SASH1: variants seen among roughly 807,000 people sequenced by gnomAD.
The protein encoded by SASH1 is SAM and SH3 domain-containing protein 1.
SASH1 carries 44 observed loss-of-function variants against 125.2 expected under a neutral mutation model. That is an observed-to-expected ratio of 0.35 (90% confidence interval 0.28 to 0.45). The LOEUF (loss-of-function observed/expected upper bound fraction) is 0.45, where lower values mean the gene tolerates loss of function less well. SASH1 is among the 20% of genes least tolerant of loss of function. The pLI, the probability that SASH1 is intolerant of heterozygous loss-of-function variation, is 1.00. For missense variants in SASH1, 1,426 were observed against 1,614.5 expected (o/e 0.88, Z 2.00); for synonymous variants, 639 against 649.1 (o/e 0.98, Z 0.24).
At chr6:148,518,871 G>A (rs1327518523) in intron 9 of SASH1, among the ~76,000 whole-genome samples, 1 of 152,174 alleles carries the variant, frequency 6.6e-6, no homozygotes, top group East Asian at 1.9e-4. Context: ...GGAGCTGCCT[G>A]CGTGTCAGGG....
Position 148,319,605 on chromosome 6 carries a change from T to C in SASH1, n.74+47228T>C, listed in dbSNP as rs1170071173. On this transcript the variant is annotated intron_variant and non_coding_transcript_variant, in intron 1 of 3. Coordinates refer to the SASH1 transcript ENST00000367469. Reference sequence around the variant, plus strand: ...GATCTCGGCTCACCACAACCTCCCCTCCCGGGTTCAAGCAATTCCCAGCCT... The same window carrying C: ...GATCTCGGCTCACCACAACCTCCCCCCCCGGGTTCAAGCAATTCCCAGCCT... Among the ~76,000 whole-genome samples, 4 of 151,822 alleles carry C rather than the reference T, an allele frequency of 2.6e-5. No individual in the cohort carries two copies. The East Asian group carries it at 7.8e-4, about 29-fold the overall frequency.
chr6:148,297,723 A>G (rs907693528), intron 1 of SASH1, among the ~76,000 whole-genome samples: 3 of 150,608 alleles, frequency 2.0e-5, no homozygotes, highest in Non-Finnish European at 4.4e-5. Flanking sequence ...TCAGCTACTC[A>G]GGAGGCTGAG....
rs145662167 is a variant in SASH1, at chr6:148,390,230, C to T, written c.253C>T (p.Arg85Trp). ...CGTGTGCGAGAGGATGGAGGAGCTG[C>T]GGAAACGGCGGGTTTCCCAGGACCT... ...SDVCERMEEL[R>W]KRRVSQDLEV... The change falls in exon 2 of 20, where the codon CGG becomes TGG. Residue 85 changes from arginine to tryptophan, a missense_variant. Physicochemically the swap from Arg to Trp is moderately radical, Grantham distance 101. Transcript: ENST00000367467. 5.0e-5 allele frequency: 81 copies of T among 1,612,256 alleles called. No homozygotes were observed. In the East Asian group the frequency reaches 1.3e-3, roughly 27 times the overall value.
At chr6:148,467,214 A>C (rs1237336643) in intron 4 of SASH1, among the ~76,000 whole-genome samples, 1 of 147,196 alleles carries the variant, frequency 6.8e-6, no homozygotes, top group Non-Finnish European at 1.5e-5. Context: ...CTCCTGCCTC[A>C]GCCTCCCGAG....
chr6:148,265,251 A>G, the SASH1 span, among the ~76,000 whole-genome samples: 1 of 147,956 alleles, frequency 6.8e-6, no homozygotes, highest in Non-Finnish European at 1.5e-5. Flanking sequence ...TCAAGGCTAC[A>G]GTGAGCTAAG....
intron 4 of SASH1, among the ~76,000 whole-genome samples, chr6:148,465,991 A>G (rs1317490425): frequency 6.6e-6 from 1 of 151,904 alleles, no homozygotes; most frequent in Non-Finnish European, 1.5e-5. Flanking sequence ...TCATCCATGT[A>G]CCTTACTTGT....
intron 2 of SASH1, among the ~76,000 whole-genome samples, chr6:148,427,212 G>A (rs1370614702): frequency 6.6e-6 from 1 of 151,954 alleles, no homozygotes; most frequent in African/African-American, 2.4e-5. Flanking sequence ...GAGGATTCTG[G>A]GGATAGCCAC....
rs944941088 is a variant in SASH1, at chr6:148,325,227, G to A, written n.74+52850G>A. On this transcript the variant is annotated intron_variant and non_coding_transcript_variant, in intron 1 of 3. Coordinates refer to the SASH1 transcript ENST00000367469. Reference sequence around the variant, plus strand: ...TCGTTGTTCACATGATACCAGGAATGAGAAGTGCAGAGTGAAATAGGGGAA... The same window carrying A: ...TCGTTGTTCACATGATACCAGGAATAAGAAGTGCAGAGTGAAATAGGGGAA... Among the ~76,000 whole-genome samples the A allele has an allele frequency of 5.1e-4, 77 of 150,466 alleles. 2 individuals carry two copies. Among genetic ancestry groups the A allele is most frequent in the Non-Finnish European group, 8.9e-5 (6 of 67,732 alleles).
chr6:148,232,411 CCTT>C, the SASH1 span, among the ~76,000 whole-genome samples: 1 of 152,174 alleles, frequency 6.6e-6, no homozygotes, highest in African/African-American at 2.4e-5. Context: ...ATGGTTTGAT[CCTT>C]CTTCTAGGTG....
chr6:148,513,599 G>C, intron 8 of SASH1: 1 of 985,640 alleles, frequency 1.0e-6, no homozygotes, highest in Non-Finnish European at 1.2e-6. Flanking sequence ...GAAAACAGCT[G>C]GGCCTGAGCA....
intron 2 of SASH1, among the ~76,000 whole-genome samples, chr6:148,417,655 GCCA>G (rs1784883433): frequency 6.6e-6 from 1 of 151,870 alleles, no homozygotes; most frequent in Non-Finnish European, 1.5e-5. Flanking sequence ...CACAGAGCCT[GCCA>G]CCTTCAGACA....
At chr6:148,332,947 A>T (rs951751615) in intron 1 of SASH1, among the ~76,000 whole-genome samples, 31 of 152,320 alleles carry the variant, frequency 2.0e-4, no homozygotes, top group Middle Eastern at 3.4e-3. Context: ...AGATTGTGGC[A>T]CTGCACTCCA....
chr6:148,441,970 G>A (rs1303268808), intron 4 of SASH1, among the ~76,000 whole-genome samples: 1 of 152,184 alleles, frequency 6.6e-6, no homozygotes, highest in African/African-American at 2.4e-5. Flanking sequence ...ATTTTAAGTG[G>A]TTCAAACTTA....
chr6:148,237,228 A>G, the SASH1 span, among the ~76,000 whole-genome samples: 25 of 152,054 alleles, frequency 1.6e-4, 1 homozygote. Context: ...GAATGAGACC[A>G]TATTGAGTTA....
chr6:148,297,698 C>T (rs1051187511), intron 1 of SASH1, among the ~76,000 whole-genome samples: 1 of 151,990 alleles, frequency 6.6e-6, no homozygotes, highest in African/African-American at 2.4e-5. Flanking sequence ...GGTGTGGCAG[C>T]GTGCACCTGT....
In SASH1 at chr6:148,411,726, T is replaced by A. The variant is rs576066814; in HGVS notation, c.285+21464T>A. Among the ~76,000 whole-genome samples the A allele has an allele frequency of 1.1e-4, 16 of 152,300 alleles. No homozygotes were observed. The South Asian group carries it at 3.1e-3, about 30-fold the overall frequency. On this transcript the variant is annotated intron_variant, in intron 2 of 19. Coordinates refer to ENST00000367467, the MANE Select transcript of SASH1 (RefSeq NM_015278.5). Reference sequence around the variant, plus strand: ...TTCCAAATAATTTTTGTACTTTTAGTAGAGACGCAGTTTCACCATGTTGTC... The same window carrying A: ...TTCCAAATAATTTTTGTACTTTTAGAAGAGACGCAGTTTCACCATGTTGTC...
At chr6:148,456,311 A>T (rs1777342111) in intron 4 of SASH1, among the ~76,000 whole-genome samples, 1 of 152,076 alleles carries the variant, frequency 6.6e-6, no homozygotes, top group African/African-American at 2.4e-5. Flanking sequence ...CTCTATAGGG[A>T]TCAGTGACCC....
At chr6:148,353,754 T>A (rs943644163) in intron 1 of SASH1, among the ~76,000 whole-genome samples, 3 of 152,190 alleles carry the variant, frequency 2.0e-5, no homozygotes, top group Non-Finnish European at 2.9e-5. Context: ...TAACTATTGA[T>A]TTGATTGAGG....
chr6:148,212,727 A>T, the SASH1 span, among the ~76,000 whole-genome samples: 1 of 152,236 alleles, frequency 6.6e-6, no homozygotes, highest in Non-Finnish European at 1.5e-5. Context: ...ACTGTGTGTC[A>T]TGCACTCACT....
Sources: gnomAD v4.1 joint callset for allele counts (sites outside exome capture counted in the v4.1 genomes callset) on GRCh38, gnomAD v4.1.1 for gene constraint, MANE v1.5 for transcripts, NCBI Gene and HGNC (gene_info 2026-07-23, HGNC 2026-07-21) for gene names.